Variants in MACROD2 observed in about 807,000 individuals in gnomAD.
The protein encoded by MACROD2 is mono-ADP ribosylhydrolase 2.
In MACROD2, 36 loss-of-function variants were observed where a neutral mutation model predicts 70.4. The ratio of observed to expected loss-of-function variants is 0.51; its 90% CI spans 0.39 to 0.68. MACROD2 has a LOEUF of 0.68. Among genes scored for constraint, MACROD2 ranks in the 30% least tolerant of loss-of-function variants. MACROD2 has a pLI of 0.00. For synonymous variants in MACROD2, 172 were observed against 178.8 expected (o/e 0.96, Z 0.30); for missense variants, 496 against 538.4 (o/e 0.92, Z 0.78).
At chr20:15,867,814 A>T (rs1242824086) in intron 9 of MACROD2, among the ~76,000 whole-genome samples, 1 of 152,180 alleles carries the variant, frequency 6.6e-6, no homozygotes, top group Non-Finnish European at 1.5e-5. Flanking sequence ...TGACGTTGGA[A>T]GCTTAAGACT....
At chr20:15,780,099 A>G (rs2051805096) in intron 8 of MACROD2, among the ~76,000 whole-genome samples, 1 of 152,156 alleles carries the variant, frequency 6.6e-6, no homozygotes. Flanking sequence ...TAAATCTTTG[A>G]GAACTGATAC....
chr20:15,015,474 TG>T (rs1721279779), intron 5 of MACROD2, among the ~76,000 whole-genome samples: 1 of 151,164 alleles, frequency 6.6e-6, no homozygotes, highest in Admixed American at 6.6e-5. Context: ...TAACTATGTG[TG>T]TTTTTTTTTT....
intron 5 of MACROD2, among the ~76,000 whole-genome samples, chr20:14,827,677 A>G (rs1171605618): frequency 6.6e-6 from 1 of 150,898 alleles, no homozygotes. Context: ...TTGTGTACCC[A>G]TATTCTCCTT....
At chr20:14,402,092 AT>A (rs2122839117) in intron 3 of MACROD2, among the ~76,000 whole-genome samples, 1 of 152,298 alleles carries the variant, frequency 6.6e-6, no homozygotes, top group African/African-American at 2.4e-5. Flanking sequence ...ATAAACAGCT[AT>A]TATAGTTCAA....
chr20:14,189,186 C>A (rs1304574093), intron 3 of MACROD2, among the ~76,000 whole-genome samples: 1 of 151,952 alleles, frequency 6.6e-6, no homozygotes, highest in African/African-American at 2.4e-5. Context: ...ATGGTTATTT[C>A]ATGCTTTGGT....
chr20:15,752,708 C>A (rs1423489813), intron 8 of MACROD2, among the ~76,000 whole-genome samples: 1 of 152,076 alleles, frequency 6.6e-6, no homozygotes, highest in Admixed American at 6.6e-5. Context: ...TGTGATATTC[C>A]ATTTCGCTGG....
chr20:14,441,030 A>T (rs2084116271), intron 3 of MACROD2, among the ~76,000 whole-genome samples: 1 of 152,184 alleles, frequency 6.6e-6, no homozygotes, highest in African/African-American at 2.4e-5. Context: ...GCCAGAGAGC[A>T]CTTGTGATTA....
intron 2 of MACROD2, among the ~76,000 whole-genome samples, chr20:14,033,938 A>G (rs1203784868): frequency 4.6e-5 from 7 of 151,884 alleles, no homozygotes; most frequent in African/African-American, 7.3e-5. Context: ...AAGAAATTCT[A>G]TTGATCTACC....
At chr20:15,799,184 A>G (rs190270061) in intron 8 of MACROD2, among the ~76,000 whole-genome samples, 34 of 152,324 alleles carry the variant, frequency 2.2e-4, no homozygotes, top group African/African-American at 8.2e-4. Flanking sequence ...GAAACACTTT[A>G]TATTGATATA....
intron 3 of MACROD2, among the ~76,000 whole-genome samples, chr20:14,469,156 G>T (rs201526645): frequency 6.6e-6 from 1 of 151,482 alleles, no homozygotes; most frequent in East Asian, 1.9e-4. Context: ...TTGCTTGTCT[G>T]TAAAGGATTT....
At position 14,326,580 on chromosome 20, in the gene MACROD2, G is replaced by A. The variant is rs762893918; in HGVS notation, c.272-166899G>A. On this transcript the variant is annotated intron_variant, in intron 3 of 17. Transcript: ENST00000684519. This position sits in a 1 kb window ranked among gnomAD's most constrained non-coding sequence, Gnocchi z 5.5. Reference sequence around the variant, plus strand: ...CACGTACCCATTTCATCTTGCACCCGCAATACCAGGGATTGTTGCGAAGAA... The same window carrying A: ...CACGTACCCATTTCATCTTGCACCCACAATACCAGGGATTGTTGCGAAGAA... 9.3e-6 allele frequency: 15 copies of A among 1,613,728 alleles called. No individual in the cohort carries two copies. The highest frequency in any genetic ancestry group is 2.2e-5 in the East Asian group (1 of 44,868).
chr20:14,698,036 G>A (rs746069642), intron 5 of MACROD2, among the ~76,000 whole-genome samples: 1 of 151,972 alleles, frequency 6.6e-6, no homozygotes, highest in Non-Finnish European at 1.5e-5. Context: ...TTATTTTTTT[G>A]GAAAATAATA....
At chr20:14,729,436 G>T (rs2071567790) in intron 5 of MACROD2, among the ~76,000 whole-genome samples, 1 of 152,078 alleles carries the variant, frequency 6.6e-6, no homozygotes. Context: ...TGAAAATAAA[G>T]AAATTGTCTA....
chr20:15,430,967 A>G (rs2046356581), intron 6 of MACROD2, among the ~76,000 whole-genome samples: 1 of 151,988 alleles, frequency 6.6e-6, no homozygotes, highest in Non-Finnish European at 1.5e-5. Flanking sequence ...GGTACCATGG[A>G]GCTGGAAAGA....
intron 5 of MACROD2, among the ~76,000 whole-genome samples, chr20:15,128,072 C>T (rs1051696076): frequency 3.0e-4 from 46 of 152,012 alleles, no homozygotes; most frequent in African/African-American, 8.5e-4. Context: ...ATTAGAGTCA[C>T]CTACTCACCG....
At chr20:15,266,307 AT>A in intron 6 of MACROD2, among the ~76,000 whole-genome samples, 1 of 152,294 alleles carries the variant, frequency 6.6e-6, no homozygotes, top group Non-Finnish European at 1.5e-5. Context: ...TTTTCTTCAG[AT>A]TTTGAGGACA....
At chr20:14,996,212 G>A (rs2074948093) in intron 5 of MACROD2, among the ~76,000 whole-genome samples, 1 of 152,158 alleles carries the variant, frequency 6.6e-6, no homozygotes, top group Non-Finnish European at 1.5e-5. Context: ...GGTCTCACGG[G>A]CCAGTGTGCT....
At chr20:14,948,622 C>T (rs2074451679) in intron 5 of MACROD2, among the ~76,000 whole-genome samples, 1 of 152,176 alleles carries the variant, frequency 6.6e-6, no homozygotes, top group Non-Finnish European at 1.5e-5. Context: ...CTCTGTCTAC[C>T]AAACCTGTGG....
At chr20:14,454,953 C>T (rs979254291) in intron 3 of MACROD2, among the ~76,000 whole-genome samples, 3 of 151,850 alleles carry the variant, frequency 2.0e-5, no homozygotes, top group Non-Finnish European at 4.4e-5. Context: ...GGGGTTTCAC[C>T]GTGTTAGCCA....
Sources: allele counts gnomAD v4.1 joint callset (sites outside exome capture counted in the v4.1 genomes callset), GRCh38; gene constraint gnomAD v4.1.1; non-coding constraint Gnocchi (gnomAD v3.1); transcripts MANE v1.5; gene names NCBI Gene and HGNC (gene_info 2026-07-23, HGNC 2026-07-21).